ANXA8: variants seen among roughly 807,000 people sequenced by gnomAD.
ANXA8 encodes VAC-beta.
ANXA8 carries 9 observed loss-of-function variants against 26.8 expected under a neutral mutation model. The observed-to-expected ratio is 0.34, with a 90% CI of 0.20 to 0.59. The LOEUF is 0.59. ANXA8 is among the 20% of genes least tolerant of loss of function. ANXA8 has a pLI of 0.84. For missense variants in ANXA8, 83 were observed against 238.5 expected, an observed-to-expected ratio of 0.35 and a Z score of 4.29; for synonymous variants, 39 against 94.8, an observed-to-expected ratio of 0.41 and a Z score of 3.42.
the ANXA8 span, among the ~76,000 whole-genome samples, chr10:47,501,180 G>C: frequency 7.1e-6 from 1 of 140,768 alleles, no homozygotes; most frequent in Admixed American, 7.2e-5. Context: ...GGGATTACAG[G>C]TGTGAGCCAC....
At chr10:47,548,696 C>T in the ANXA8 span, among the ~76,000 whole-genome samples, 285 of 148,258 alleles carry the variant, frequency 1.9e-3, no homozygotes, top group African/African-American at 3.5e-3. Flanking sequence ...ATTTTCCACA[C>T]GCTGAGTACT....
chr10:47,689,605 A>G, the ANXA8 span: 1 of 503,854 alleles, frequency 2.0e-6, no homozygotes. Flanking sequence ...TATGTTTTTG[A>G]CTCAGTTATA....
At chr10:47,509,975 C>A in the ANXA8 span, among the ~76,000 whole-genome samples, 1 of 142,352 alleles carries the variant, frequency 7.0e-6, no homozygotes, top group African/African-American at 2.6e-5. Flanking sequence ...TCTGGGTTTG[C>A]TTCTTTGCTA....
At chr10:47,610,160 T>A in the ANXA8 span, among the ~76,000 whole-genome samples, 3 of 146,870 alleles carry the variant, frequency 2.0e-5, no homozygotes, top group African/African-American at 5.3e-5. Flanking sequence ...CATTAAAACA[T>A]GAGACCACTA....
At chr10:47,495,191 G>A in the ANXA8 span, among the ~76,000 whole-genome samples, 1 of 150,088 alleles carries the variant, frequency 6.7e-6, no homozygotes, top group Non-Finnish European at 1.5e-5. Context: ...GGTATGGAGG[G>A]GAAACAGAGA....
At chr10:47,502,277 T>G in the ANXA8 span, 1 of 1,598,676 alleles carries the variant, frequency 6.3e-7, no homozygotes, top group African/African-American at 1.4e-5. Flanking sequence ...TCCCCACAGG[T>G]CTCGTTCACC....
the ANXA8 span, chr10:47,502,114 G>A: frequency 8.9e-6 from 14 of 1,573,824 alleles, no homozygotes; most frequent in South Asian, 2.2e-5. Context: ...GCAGAAGCAC[G>A]TTGATGCACT....
the ANXA8 span, among the ~76,000 whole-genome samples, chr10:47,560,848 G>A: frequency 2.0e-5 from 3 of 151,816 alleles, no homozygotes; most frequent in Non-Finnish European, 4.4e-5. Context: ...GTCTGGCTCT[G>A]TTGCTGGGGT....
At chr10:47,946,323 G>A in the ANXA8 span, among the ~76,000 whole-genome samples, 38 of 150,192 alleles carry the variant, frequency 2.5e-4, 1 homozygote, top group South Asian at 2.1e-3. Flanking sequence ...GTATTCTTGC[G>A]ATGGTTGGGC....
the ANXA8 span, among the ~76,000 whole-genome samples, chr10:47,691,662 C>T: frequency 6.6e-6 from 1 of 150,568 alleles, no homozygotes; most frequent in African/African-American, 2.5e-5. Context: ...AGGAGGCTGA[C>T]ATGAGAGGAT....
the ANXA8 span, among the ~76,000 whole-genome samples, chr10:47,952,475 G>T: frequency 6.7e-6 from 1 of 149,716 alleles, no homozygotes; most frequent in South Asian, 2.1e-4. Flanking sequence ...GTGGCAATTT[G>T]GAAGATTAAA....
chr10:47,736,995 C>T, the ANXA8 span, among the ~76,000 whole-genome samples: 1 of 151,394 alleles, frequency 6.6e-6, no homozygotes, highest in East Asian at 1.9e-4. Context: ...TGTACATTTG[C>T]TTCATATGCT....
chr10:47,551,096 T>C, the ANXA8 span, among the ~76,000 whole-genome samples: 1 of 151,580 alleles, frequency 6.6e-6, no homozygotes, highest in African/African-American at 2.4e-5. Flanking sequence ...GAGTTGAAAA[T>C]TAAACACACC....
chr10:47,515,961 G>T, the ANXA8 span, among the ~76,000 whole-genome samples: 43 of 128,542 alleles, frequency 3.3e-4, 5 homozygotes, highest in African/African-American at 1.2e-3. Flanking sequence ...ATAGAAAAAA[G>T]GAATTGATAG....
chr10:47,646,728 A>G, the ANXA8 span, among the ~76,000 whole-genome samples: 3 of 151,926 alleles, frequency 2.0e-5, no homozygotes, highest in Non-Finnish European at 2.9e-5. Flanking sequence ...ATAAATTTAG[A>G]ACATCTATGT....
chr10:47,627,775 G>A, the ANXA8 span, among the ~76,000 whole-genome samples: 9 of 149,752 alleles, frequency 6.0e-5, no homozygotes, highest in African/African-American at 1.5e-4. Flanking sequence ...TAAATGTTAC[G>A]ATTACTAATC....
At chr10:47,763,923 G>A in the ANXA8 span, among the ~76,000 whole-genome samples, 1 of 152,020 alleles carries the variant, frequency 6.6e-6, no homozygotes, top group Admixed American at 6.5e-5. Flanking sequence ...GCCTGTCCTA[G>A]GGGCCAGTCA....
chr10:47,562,093 T>C, the ANXA8 span, among the ~76,000 whole-genome samples: 39 of 152,048 alleles, frequency 2.6e-4, no homozygotes, highest in African/African-American at 9.4e-4. Flanking sequence ...TGTAAGCACA[T>C]ACTCCTCTAA....
chr10:47,953,544 T>C, the ANXA8 span, among the ~76,000 whole-genome samples: 110 of 150,908 alleles, frequency 7.3e-4, 10 homozygotes, highest in East Asian at 0.02. Context: ...ATACTTACTA[T>C]ACAAACCAGA....
Sources: gnomAD v4.1 joint callset for allele counts (sites outside exome capture counted in the v4.1 genomes callset) on GRCh38, gnomAD v4.1.1 for gene constraint, MANE v1.5 for transcripts, NCBI Gene and HGNC (gene_info 2026-07-23, HGNC 2026-07-21) for gene names.